Variants in ZZEF1 observed in about 807,000 individuals in gnomAD.
The protein encoded by ZZEF1 is zinc finger ZZ-type and EF-hand domain-containing protein 1.
A neutral mutation model predicts 342.8 loss-of-function variants in ZZEF1; 157 were observed. The ratio of observed to expected loss-of-function variants is 0.46; its 90% CI spans 0.40 to 0.52. The LOEUF is 0.52. Among genes scored for constraint, ZZEF1 ranks in the 20% least tolerant of loss-of-function variants. ZZEF1 has a pLI of 0.00. For missense variants in ZZEF1, 3,480 were observed against 3,725.6 expected (o/e 0.93, Z 1.72); for synonymous variants, 1,505 against 1,429.1 (o/e 1.05, Z -1.20).
intron 13 of ZZEF1, 124 bp from the exon 14 acceptor site, chr17:4,087,658 T>C: frequency 1.3e-6 from 1 of 773,002 alleles, no homozygotes; most frequent in South Asian, 2.0e-5. Flanking sequence ...GACTTTCATA[T>C]TACTGATGCT....
intron 2 of ZZEF1, among the ~76,000 whole-genome samples, chr17:4,120,579 C>T (rs1470409410): frequency 6.6e-6 from 1 of 152,162 alleles, no homozygotes; most frequent in Admixed American, 6.5e-5. Context: ...TCTTAGCTGA[C>T]TCCACAGTAA....
Position 4,052,141 on chromosome 17 carries a change from G to A in ZZEF1, c.5435-5C>T. 2 of 1,608,616 alleles carry A rather than the reference G, an allele frequency of 1.2e-6. No homozygotes were observed. The highest frequency in any genetic ancestry group is 2.2e-5 in the South Asian group (2 of 90,382). On this transcript the variant is annotated splice_region_variant and splice_polypyrimidine_tract_variant and intron_variant, in intron 34 of 54. Coordinates refer to ENST00000381638, the MANE Select transcript of ZZEF1 (RefSeq NM_015113.4). ...GGCCCTCAGGCTTCACCCCACCTGA[G>A]GAGAAACACAGCAGTGTGAGGGGAT...
chr17:4,043,374 G>A (rs1251101371), intron 38 of ZZEF1, among the ~76,000 whole-genome samples: 2 of 152,220 alleles, frequency 1.3e-5, no homozygotes, highest in Admixed American at 1.3e-4. Flanking sequence ...GATGTGGAGT[G>A]TCAGACTGTT....
At position 4,022,108 on chromosome 17, in the gene ZZEF1, T is replaced by C. The variant is rs1424019462; in HGVS notation, c.7212+601A>G. Among the ~76,000 whole-genome samples, 3 of 152,260 alleles carry C rather than the reference T, an allele frequency of 2.0e-5. No homozygotes were observed. In the East Asian group the frequency reaches 5.8e-4, roughly 29 times the overall value. On this transcript the variant is annotated intron_variant, in intron 44 of 54. Coordinates refer to ENST00000381638, the MANE Select transcript of ZZEF1 (RefSeq NM_015113.4). Reference sequence around the variant, plus strand: ...CCTCTTCTGGCAATTGAGAGCTGTTTCTGCAGGTTCCAGCCTCTGCTGGGC... The same window carrying C: ...CCTCTTCTGGCAATTGAGAGCTGTTCCTGCAGGTTCCAGCCTCTGCTGGGC...
chr17:4,024,484 C>T (rs1455501676), intron 43 of ZZEF1, among the ~76,000 whole-genome samples: 2 of 152,146 alleles, frequency 1.3e-5, no homozygotes, highest in Non-Finnish European at 2.9e-5. Context: ...CTGCTGTGAG[C>T]CACTGTGCCT....
At chr17:4,033,798 T>C in intron 40 of ZZEF1, 1 of 597,460 alleles carries the variant, frequency 1.7e-6, no homozygotes, top group South Asian at 2.1e-5. Context: ...CAGCAGCCAG[T>C]GTCGAGACTG....
chr17:4,131,025 C>G (rs775477007), intron 1 of ZZEF1, among the ~76,000 whole-genome samples: 22 of 152,292 alleles, frequency 1.4e-4, no homozygotes, highest in Non-Finnish European at 2.4e-4. Context: ...GAAGTCATTA[C>G]TCAGCCCAAA....
chr17:4,017,995 G>C lies in ZZEF1; in HGVS notation c.7506-24C>G. 6.2e-7 allele frequency: 1 copy of C among 1,611,442 alleles called. No individual in the cohort carries two copies. Among genetic ancestry groups the C allele is most frequent in the South Asian group, 1.1e-5 (1 of 91,060 alleles). On this transcript the variant is annotated intron_variant, in intron 46 of 54. Transcript: ENST00000381638. This position sits in a 1 kb window ranked among gnomAD's most constrained non-coding sequence, Gnocchi z 5.1. Reference sequence around the variant, plus strand: ...ACCTGCAGAAGGGCAGCACAAAGTTGAGTACCAACAGTGTAGACAGGCCAG... The same window carrying C: ...ACCTGCAGAAGGGCAGCACAAAGTTCAGTACCAACAGTGTAGACAGGCCAG...
chr17:4,053,041 T>C lies in ZZEF1; in HGVS notation c.5435-905A>G, dbSNP rs1043696963. On this transcript the variant is annotated intron_variant, in intron 34 of 54. Transcript: ENST00000381638. Reference sequence around the variant, plus strand: ...ATGCTCCTCGCGCCTGGCCCACTTCTGTTCATTCTCACTGTCATGAACCCA... The same window carrying C: ...ATGCTCCTCGCGCCTGGCCCACTTCCGTTCATTCTCACTGTCATGAACCCA... 3.3e-5 allele frequency among the ~76,000 whole-genome samples: 5 copies of C among 152,352 alleles called. 1 individual carries two copies. The highest frequency in any genetic ancestry group is 2.0e-4 in the Admixed American group (3 of 15,306).
At position 4,017,227 on chromosome 17, in the gene ZZEF1, G is replaced by A; in HGVS notation, c.8001+144C>T. ...CCCAATCCTTGGGAGAGGATACAGTGACCCTACCTTTGCTGCATTCACACC... is the reference window on the plus strand; with the variant it reads ...CCCAATCCTTGGGAGAGGATACAGTAACCCTACCTTTGCTGCATTCACACC... On this transcript the variant is annotated intron_variant, in intron 48 of 54. Transcript: ENST00000381638. This position sits in a 1 kb window ranked among gnomAD's most constrained non-coding sequence, Gnocchi z 5.1. 8.5e-7 allele frequency: 1 copy of A among 1,179,840 alleles called. No homozygotes were observed. Among genetic ancestry groups the A allele is most frequent in the Non-Finnish European group, 1.2e-6 (1 of 857,058 alleles). The allele number at this position is 1,179,840 out of a possible 1,614,324, so 73.1% of individuals were successfully genotyped here.
Position 4,014,765 on chromosome 17 carries a change from T to C in ZZEF1, c.8146-250A>G, listed in dbSNP as rs1249592498. On this transcript the variant is annotated intron_variant, in intron 49 of 54. Coordinates refer to ENST00000381638, the MANE Select transcript of ZZEF1 (RefSeq NM_015113.4). The surrounding 1 kb of genome is among the most constrained non-coding windows in gnomAD (Gnocchi z 4.4). ...AAGAGTGTCAGGCTGCTGTGAAGAG[T>C]GAAGAGGACAGGAGGACCCTGTTAG... Among the ~76,000 whole-genome samples the C allele has an allele frequency of 7.3e-5, 11 of 150,570 alleles. No individual in the cohort carries two copies. The highest frequency in any genetic ancestry group is 6.6e-5 in the Admixed American group (1 of 15,120).
In ZZEF1 at chr17:4,064,750, C is replaced by A; in HGVS notation, c.4329G>T (p.Lys1443Asn). 6.2e-7 allele frequency: 1 copy of A among 1,613,624 alleles called. No homozygotes were observed. The highest frequency in any genetic ancestry group is 1.1e-5 in the South Asian group (1 of 91,080). ...TGISSKESCE[K>N]LETADETSHL... ...GACTGGTTTCATCAGCAGTCTCCAA[C>A]TTTTCGCAGCTTTCTTTTGAACTTA... Residue 1443 changes from lysine to asparagine, a missense_variant, in exon 29 of 55, where the codon AAG (lysine) becomes AAT (asparagine). Transcript: ENST00000381638.
chr17:4,063,973 C>A (rs1229001716), intron 29 of ZZEF1, among the ~76,000 whole-genome samples: 1 of 152,076 alleles, frequency 6.6e-6, no homozygotes, highest in Non-Finnish European at 1.5e-5. Flanking sequence ...GGTGATCCAC[C>A]TGCCTCAGCC....
chr17:4,105,154 A>G (rs2058190449), intron 7 of ZZEF1, among the ~76,000 whole-genome samples: 1 of 152,222 alleles, frequency 6.6e-6, no homozygotes, highest in Non-Finnish European at 1.5e-5. Flanking sequence ...AAAATGTATC[A>G]CACTGAATTA....
chr17:4,081,400 A>G lies in ZZEF1; in HGVS notation c.2805T>C (p.Thr935=). 8 of 1,613,722 alleles carry G rather than the reference A, an allele frequency of 5.0e-6. No homozygotes were observed. Among genetic ancestry groups the G allele is most frequent in the Non-Finnish European group, 6.8e-6 (8 of 1,179,984 alleles). ...NISEVLAVMD[T]LVSVAARECE... is the part of the protein sequence containing the mutation. ...CCTCTCGAGCAGCAACAGAGACGAG[A>G]GTGTCCATGACCGCCAGGACTTCAC... Residue 935 remains threonine (T), a synonymous_variant, in exon 18 of 55, where the codon ACT becomes ACC. Transcript: ENST00000381638.
At chr17:4,109,547 G>A in intron 6 of ZZEF1, 106 bp downstream of exon 6, 1 of 1,246,276 alleles carries the variant, frequency 8.0e-7, no homozygotes, top group Non-Finnish European at 1.1e-6. Context: ...CGAGCTGACT[G>A]AGCCACAACG....
intron 28 of ZZEF1, among the ~76,000 whole-genome samples, chr17:4,066,030 T>C (rs781836): frequency 0.054 from 8,250 of 152,046 alleles, 784 homozygotes; most frequent in African/African-American, 0.19. Flanking sequence ...TGCCAGGTGT[T>C]GTGGCACCTG....
intron 7 of ZZEF1, among the ~76,000 whole-genome samples, 187 bp from the exon 8 acceptor site, chr17:4,104,998 G>A (rs2058187486): frequency 6.6e-6 from 1 of 152,168 alleles, no homozygotes; most frequent in African/African-American, 2.4e-5. Context: ...CAGAGAGCCA[G>A]GGAATGAAAG....
chr17:4,136,438 G>A (rs2058750814), intron 1 of ZZEF1, among the ~76,000 whole-genome samples: 1 of 152,010 alleles, frequency 6.6e-6, no homozygotes, highest in Non-Finnish European at 1.5e-5. Flanking sequence ...AACACTTATT[G>A]AGCACTGAGC....
Sources: allele counts gnomAD v4.1 joint callset (sites outside exome capture counted in the v4.1 genomes callset), GRCh38; gene constraint gnomAD v4.1.1; non-coding constraint Gnocchi (gnomAD v3.1); transcripts MANE v1.5; gene names NCBI Gene and HGNC (gene_info 2026-07-23, HGNC 2026-07-21).